The following TSEN2 variants were observed in gnomAD, a reference collection of about 807,000 sequenced individuals.
The protein encoded by TSEN2 is tRNA-splicing endonuclease subunit Sen2.
In TSEN2, 54 loss-of-function variants were observed where a neutral mutation model predicts 59.2. The observed-to-expected ratio is 0.91, with a 90% CI of 0.73 to 1.14. TSEN2 has a LOEUF of 1.14. Ranked by LOEUF, TSEN2 falls within the 50% of genes most tolerant of loss-of-function variation. The probability of loss-of-function intolerance (pLI) is 0.00; values close to 1 mark genes in which losing one functional copy is unlikely to be tolerated. For missense variants in TSEN2, 636 were observed against 576.2 expected (o/e 1.10, Z -1.06); for synonymous variants, 195 against 198.2 (o/e 0.98, Z 0.14).
At chr3:12,491,924 G>A (rs572988328) in intron 2 of TSEN2, among the ~76,000 whole-genome samples, 26 of 152,294 alleles carry the variant, frequency 1.7e-4, no homozygotes, top group African/African-American at 2.6e-4. Context: ...GTAGCCTAGA[G>A]ATGACTTAAA....
intron 6 of TSEN2, among the ~76,000 whole-genome samples, chr3:12,507,775 A>G (rs1181271629): frequency 1.3e-5 from 2 of 152,200 alleles, no homozygotes; most frequent in South Asian, 2.1e-4. Context: ...CTTGGGCCCA[A>G]TGCCTGACAT....
chr3:12,500,965 AGTCACGGAATTTGGCAAAAGTTTTGG>A (rs1270479286), intron 4 of TSEN2, among the ~76,000 whole-genome samples: 2 of 152,222 alleles, frequency 1.3e-5, no homozygotes, highest in Non-Finnish European at 2.9e-5. Flanking sequence ...ACGTGTTTTG[AGTCACGGAATTTGGCAAAAGTTTTGG>A]GTCCCTTCCC....
chr3:12,492,591 C>T (rs1310345272), intron 3 of TSEN2, among the ~76,000 whole-genome samples: 1 of 152,142 alleles, frequency 6.6e-6, no homozygotes, highest in Non-Finnish European at 1.5e-5. Context: ...GTGTGGTTCT[C>T]CCTTGCTGAT....
chr3:12,498,519 TTCATAGAC>T (rs1447276305), intron 4 of TSEN2, among the ~76,000 whole-genome samples: 4 of 152,182 alleles, frequency 2.6e-5, no homozygotes, highest in African/African-American at 9.7e-5. Flanking sequence ...TTTGATCACT[TTCATAGAC>T]TTCATGAATC....
intron 6 of TSEN2, among the ~76,000 whole-genome samples, chr3:12,507,392 T>G (rs1490897195): frequency 6.6e-6 from 1 of 152,166 alleles, no homozygotes; most frequent in Non-Finnish European, 1.5e-5. Context: ...AACCTCAGAT[T>G]TCTTCTCTGT....
intron 3 of TSEN2, 122 bp from the exon 4 acceptor site, chr3:12,496,396 A>C (rs1484921260): frequency 9.6e-7 from 1 of 1,040,280 alleles, no homozygotes; most frequent in Non-Finnish European, 1.5e-6. Flanking sequence ...TACTGACTGG[A>C]CAGTAAACTT....
downstream of TSEN2, among the ~76,000 whole-genome samples, chr3:12,537,751 C>T (rs556369331): frequency 5.3e-5 from 8 of 152,280 alleles, no homozygotes; most frequent in East Asian, 1.2e-3. Context: ...TCCTCAATTT[C>T]CCTTTTCATC....
intron 8 of TSEN2, among the ~76,000 whole-genome samples, chr3:12,526,556 A>C (rs898522450): frequency 6.6e-6 from 1 of 152,210 alleles, no homozygotes; most frequent in African/African-American, 2.4e-5. Flanking sequence ...ATGTTTACAC[A>C]ACAACGAAAT....
intron 8 of TSEN2, among the ~76,000 whole-genome samples, chr3:12,524,913 T>A (rs1266290400): frequency 6.6e-6 from 1 of 151,868 alleles, no homozygotes; most frequent in Non-Finnish European, 1.5e-5. Context: ...TGAGCTAACA[T>A]TTGTATTTTT....
intron 1 of TSEN2, among the ~76,000 whole-genome samples, chr3:12,488,301 G>T (rs562245772): frequency 4.6e-5 from 7 of 152,166 alleles, no homozygotes; most frequent in Non-Finnish European, 7.3e-5. Flanking sequence ...AGTCATGTAG[G>T]TTAAACGTGT....
Position 12,503,331 on chromosome 3 carries a change from C to A in TSEN2, c.378C>A (p.Arg126=). The A allele has an allele frequency of 6.2e-7, 1 of 1,614,192 alleles. No individual in the cohort carries two copies. The highest frequency in any genetic ancestry group is 8.5e-7 in the Non-Finnish European group (1 of 1,180,040). The change falls in exon 5 of 12, where the codon CGC becomes CGA. Residue 126 remains arginine, a synonymous_variant. Transcript: ENST00000284995. ...RRQGQDESTV[R]RILKDYTKPL... ...AGGGGCAGGATGAGAGTACAGTGCG[C>A]AGAATCCTCAAGGATTACACGAAAC...
At chr3:12,493,262 T>A (rs1361416621) in intron 3 of TSEN2, among the ~76,000 whole-genome samples, 1 of 152,218 alleles carries the variant, frequency 6.6e-6, no homozygotes, top group Admixed American at 6.5e-5. Context: ...CTATTTTTAG[T>A]TGTTTTGGAT....
intron 8 of TSEN2, among the ~76,000 whole-genome samples, chr3:12,521,515 G>A (rs2056634267): frequency 6.6e-6 from 1 of 152,030 alleles, no homozygotes; most frequent in African/African-American, 2.4e-5. Context: ...AGGAGTTTGA[G>A]ACCAGCCTTG....
chr3:12,501,225 A>G (rs2054253713), intron 4 of TSEN2, among the ~76,000 whole-genome samples: 1 of 152,246 alleles, frequency 6.6e-6, no homozygotes, highest in South Asian at 2.1e-4. Context: ...GTAATACATA[A>G]CAAGATCCCT....
chr3:12,495,537 G>A (rs188734433), intron 3 of TSEN2, among the ~76,000 whole-genome samples: 1 of 152,300 alleles, frequency 6.6e-6, no homozygotes, highest in Admixed American at 6.5e-5. Context: ...GGCCATTTGA[G>A]TAACTTTATA....
At chr3:12,496,959 C>T (rs1001086738) in intron 4 of TSEN2, among the ~76,000 whole-genome samples, 6 of 152,128 alleles carry the variant, frequency 3.9e-5, no homozygotes, top group Non-Finnish European at 7.3e-5. Flanking sequence ...CTCATTTAAT[C>T]CTAGACATTC....
chr3:12,527,706 A>G (rs886353918), intron 8 of TSEN2, among the ~76,000 whole-genome samples: 3 of 152,144 alleles, frequency 2.0e-5, no homozygotes, highest in Non-Finnish European at 4.4e-5. Flanking sequence ...GTGAAATCCA[A>G]CACGGCTGTC....
At chr3:12,483,542 G>A (rs1396620568), upstream of TSEN2, among the ~76,000 whole-genome samples, 1 of 152,202 alleles carries the variant, frequency 6.6e-6, no homozygotes, top group Non-Finnish European at 1.5e-5. Flanking sequence ...AGGAATTACT[G>A]CAGCTAACAG....
intron 6 of TSEN2, among the ~76,000 whole-genome samples, chr3:12,508,299 A>T (rs1207725963): frequency 1.3e-5 from 2 of 152,154 alleles, no homozygotes; most frequent in African/African-American, 4.8e-5. Flanking sequence ...GAGACAGGAG[A>T]TGAGGTTACT....
Sources: gnomAD v4.1 joint callset for allele counts (sites outside exome capture counted in the v4.1 genomes callset) on GRCh38, gnomAD v4.1.1 for gene constraint, MANE v1.5 for transcripts, NCBI Gene and HGNC (gene_info 2026-07-23, HGNC 2026-07-21) for gene names.